Variants in CDKAL1 observed in about 807,000 individuals in gnomAD.
CDKAL1 encodes threonylcarbamoyladenosine tRNA methylthiotransferase.
In CDKAL1, 32 loss-of-function variants were observed where a neutral mutation model predicts 68.2. That is an observed-to-expected ratio of 0.47 (90% CI 0.35 to 0.63). The LOEUF (loss-of-function observed/expected upper bound fraction) is 0.63, where lower values mean the gene tolerates loss of function less well. Among genes scored for constraint, CDKAL1 ranks in the 30% least tolerant of loss-of-function variants. The pLI is 0.00. For missense variants in CDKAL1, 606 were observed against 696.7 expected (o/e 0.87, Z 1.47); for synonymous variants, 234 against 244.3 (o/e 0.96, Z 0.39).
intron 7 of CDKAL1, among the ~76,000 whole-genome samples, chr6:20,779,508 G>A (rs886656671): frequency 1.3e-5 from 2 of 152,206 alleles, no homozygotes; most frequent in African/African-American, 4.8e-5. Context: ...ATTTTGGGGT[G>A]ATGTTCCATT....
At chr6:20,720,999 A>G (rs1436247559) in intron 5 of CDKAL1, among the ~76,000 whole-genome samples, 2 of 152,126 alleles carry the variant, frequency 1.3e-5, no homozygotes, top group Non-Finnish European at 2.9e-5. Flanking sequence ...TCTAGGGTAC[A>G]TGTGCACAAC....
chr6:20,709,782 G>A (rs1771764798), intron 5 of CDKAL1, among the ~76,000 whole-genome samples: 1 of 152,060 alleles, frequency 6.6e-6, no homozygotes, highest in South Asian at 2.1e-4. Flanking sequence ...TATTTTCTGT[G>A]ATTATTAGGA....
chr6:21,113,695 CT>C (rs1023998825), intron 13 of CDKAL1, among the ~76,000 whole-genome samples: 7 of 151,452 alleles, frequency 4.6e-5, no homozygotes, highest in Non-Finnish European at 7.4e-5. Context: ...TCTCGAACTC[CT>C]GACCTCAGGT....
At chr6:20,760,869 A>G (rs1333165987) in intron 7 of CDKAL1, among the ~76,000 whole-genome samples, 1 of 152,176 alleles carries the variant, frequency 6.6e-6, no homozygotes, top group African/African-American at 2.4e-5. Context: ...TAGATACGAC[A>G]TCAAAAGTAT....
intron 9 of CDKAL1, 121 bp downstream of exon 9, chr6:20,846,299 C>T (rs6941354): frequency 0.96 from 580,591 of 605,568 alleles, 278,415 homozygotes; most frequent in East Asian, 1. Context: ...TACAAATATA[C>T]GAACTTAATT....
intron 9 of CDKAL1, among the ~76,000 whole-genome samples, chr6:20,872,589 C>T (rs750710523): frequency 9.9e-5 from 15 of 152,184 alleles, no homozygotes; most frequent in Non-Finnish European, 1.9e-4. Context: ...TCAGAGAACA[C>T]TCTGCAGTCT....
intron 13 of CDKAL1, among the ~76,000 whole-genome samples, chr6:21,129,705 A>AAAAAAAAAAAAAAAAAAAAT (rs1775198269): frequency 6.7e-6 from 1 of 148,818 alleles, no homozygotes; most frequent in African/African-American, 2.5e-5. Context: ...AAAAAAAAAA[A>AAAAAAAAAAAAAAAAAAAAT]GGAAAAAATG....
chr6:20,884,320 C>A (rs1269041921), intron 9 of CDKAL1, among the ~76,000 whole-genome samples: 1 of 151,918 alleles, frequency 6.6e-6, no homozygotes, highest in Non-Finnish European at 1.5e-5. Context: ...AACAAAAACA[C>A]TAAAAAAACC....
At chr6:20,758,671 T>C (rs1472462745) in intron 7 of CDKAL1, 28 bp downstream of exon 7, 1 of 1,567,904 alleles carries the variant, frequency 6.4e-7, no homozygotes, top group East Asian at 2.2e-5. Context: ...GATAAACAGA[T>C]GTATATATTT....
chr6:20,859,533 A>G (rs1182080174), intron 9 of CDKAL1, among the ~76,000 whole-genome samples: 1 of 152,244 alleles, frequency 6.6e-6, no homozygotes, highest in African/African-American at 2.4e-5. Context: ...CTGTCACCCA[A>G]TGCCAGTTCT....
intron 13 of CDKAL1, among the ~76,000 whole-genome samples, chr6:21,114,322 A>G (rs986655778): frequency 6.6e-6 from 1 of 152,000 alleles, no homozygotes; most frequent in Non-Finnish European, 1.5e-5. Context: ...ACCAAAAAAA[A>G]TGTGTTTGAG....
At chr6:20,546,150 T>TG (rs555151134) in intron 2 of CDKAL1, among the ~76,000 whole-genome samples, 196 bp from the exon 3 acceptor site, 160 of 146,956 alleles carry the variant, frequency 1.1e-3, no homozygotes, top group African/African-American at 3.8e-3. Context: ...GTCTGATTGT[T>TG]TCATTGTGTT....
chr6:20,775,491 A>G lies in CDKAL1; in HGVS notation c.518-5654A>G, dbSNP rs11965197. Among the ~76,000 whole-genome samples the G allele has an allele frequency of 3.1e-3, 466 of 152,330 alleles. 1 individual carries two copies. The highest frequency in any genetic ancestry group is 0.011 in the African/African-American group (441 of 41,580). On this transcript the variant is annotated intron_variant, in intron 7 of 15. Transcript: ENST00000274695. ...TAAAGAAGGAATGTGTGAATGTGCA[A>G]TTATGGTCTTTGTCTCATGGTCCTT...
At chr6:20,678,256 G>A (rs2127788411) in intron 5 of CDKAL1, among the ~76,000 whole-genome samples, 1 of 152,200 alleles carries the variant, frequency 6.6e-6, no homozygotes, top group Middle Eastern at 3.4e-3. Context: ...TTTATTGTCA[G>A]TTGTGTCTCT....
intron 15 of CDKAL1, among the ~76,000 whole-genome samples, chr6:21,207,553 G>A (rs6901748): frequency 0.14 from 21,726 of 152,054 alleles, 1,621 homozygotes; most frequent in East Asian, 0.22. Flanking sequence ...GGATTTCACT[G>A]TACATTATAG....
chr6:20,572,861 A>G (rs111645295), intron 4 of CDKAL1, among the ~76,000 whole-genome samples: 6 of 152,146 alleles, frequency 3.9e-5, no homozygotes, highest in Non-Finnish European at 7.4e-5. Context: ...TTTTGAAAGT[A>G]TAGTAGTAGT....
At chr6:21,005,668 A>G (rs1337115150) in intron 11 of CDKAL1, among the ~76,000 whole-genome samples, 1 of 152,188 alleles carries the variant, frequency 6.6e-6, no homozygotes, top group Non-Finnish European at 1.5e-5. Flanking sequence ...TTTTAATCCC[A>G]TGATATTGTT....
chr6:21,184,823 ATTTTTTT>A (rs34599800), intron 13 of CDKAL1, among the ~76,000 whole-genome samples: 31 of 101,648 alleles, frequency 3.0e-4, no homozygotes, highest in African/African-American at 1.2e-3. Flanking sequence ...CGTGCAGCTA[ATTTTTTT>A]TTTTTTTTTT....
chr6:21,122,033 C>G (rs1774747570), intron 13 of CDKAL1, among the ~76,000 whole-genome samples: 2 of 152,098 alleles, frequency 1.3e-5, no homozygotes, highest in African/African-American at 4.8e-5. Context: ...AATAACTAAG[C>G]CCTATGGAGC....
Sources: allele counts gnomAD v4.1 joint callset (sites outside exome capture counted in the v4.1 genomes callset), GRCh38; gene constraint gnomAD v4.1.1; transcripts MANE v1.5; gene names NCBI Gene and HGNC (gene_info 2026-07-23, HGNC 2026-07-21).